HEMK2: variants seen among roughly 807,000 people sequenced by gnomAD.
HEMK2 encodes the protein HemK methyltransferase 2, ETF1 glutamine and histone H4 lysine.
At chr21:28,604,088 T>G in the HEMK2 span, among the ~76,000 whole-genome samples, 84 of 152,348 alleles carry the variant, frequency 5.5e-4, no homozygotes, top group African/African-American at 1.9e-3. Context: ...ATCTCTACTT[T>G]CTGATGAGAA....
At chr21:28,698,807 G>C in the HEMK2 span, among the ~76,000 whole-genome samples, 6 of 152,108 alleles carry the variant, frequency 3.9e-5, no homozygotes, top group Admixed American at 6.5e-5. Flanking sequence ...CATTTTCACT[G>C]ATTAGATATT....
chr21:28,789,415 G>C, the HEMK2 span, among the ~76,000 whole-genome samples: 1 of 152,164 alleles, frequency 6.6e-6, no homozygotes, highest in African/African-American at 2.4e-5. Flanking sequence ...AGGGGAAGAA[G>C]ACAAGATGCT....
the HEMK2 span, among the ~76,000 whole-genome samples, chr21:28,651,501 A>T: frequency 2.0e-5 from 3 of 152,236 alleles, no homozygotes; most frequent in African/African-American, 7.2e-5. Flanking sequence ...TCACTTCTAA[A>T]CATTGTCACT....
At chr21:28,727,035 T>C in the HEMK2 span, among the ~76,000 whole-genome samples, 2 of 152,098 alleles carry the variant, frequency 1.3e-5, no homozygotes, top group South Asian at 4.1e-4. Flanking sequence ...CTTGGGTTTT[T>C]CCACCATAGC....
At chr21:28,650,394 C>CA in the HEMK2 span, among the ~76,000 whole-genome samples, 8,826 of 141,372 alleles carry the variant, frequency 0.062, 359 homozygotes, top group Middle Eastern at 0.1. Context: ...GACTCCATCT[C>CA]AAAAAAAAAA....
At chr21:28,586,759 C>G in the HEMK2 span, among the ~76,000 whole-genome samples, 3 of 152,274 alleles carry the variant, frequency 2.0e-5, no homozygotes, top group South Asian at 6.2e-4. Context: ...AAGACACAGA[C>G]TCTGGTAGAG....
the HEMK2 span, among the ~76,000 whole-genome samples, chr21:28,766,054 A>T: frequency 6.6e-6 from 1 of 152,136 alleles, no homozygotes; most frequent in Non-Finnish European, 1.5e-5. Flanking sequence ...TATCACAAGG[A>T]CAGAAAAACA....
chr21:28,651,016 A>C, the HEMK2 span, among the ~76,000 whole-genome samples: 1 of 152,184 alleles, frequency 6.6e-6, no homozygotes, highest in Non-Finnish European at 1.5e-5. Flanking sequence ...TGTCAAAAAT[A>C]TTGTCAAGAG....
the HEMK2 span, among the ~76,000 whole-genome samples, chr21:28,627,425 C>G: frequency 6.6e-6 from 1 of 152,132 alleles, no homozygotes; most frequent in Non-Finnish European, 1.5e-5. Flanking sequence ...TTGACAGTAA[C>G]AGTTCTTGTC....
the HEMK2 span, chr21:28,875,847 C>T: frequency 1.3e-5 from 2 of 152,222 alleles, no homozygotes; most frequent in Admixed American, 1.3e-4. Context: ...ATTTCCTACC[C>T]TCTGATGCAA....
At chr21:28,669,927 T>A in the HEMK2 span, among the ~76,000 whole-genome samples, 2 of 152,262 alleles carry the variant, frequency 1.3e-5, no homozygotes, top group South Asian at 4.2e-4. Flanking sequence ...CAAAATAATT[T>A]TCCTAATTTT....
the HEMK2 span, among the ~76,000 whole-genome samples, chr21:28,849,244 T>G: frequency 1.3e-5 from 2 of 151,872 alleles, no homozygotes; most frequent in African/African-American, 4.8e-5. Flanking sequence ...CGAGCTGAGG[T>G]TTGGCTCCCT....
the HEMK2 span, among the ~76,000 whole-genome samples, chr21:28,614,905 A>G: frequency 6.6e-6 from 1 of 152,168 alleles, no homozygotes; most frequent in African/African-American, 2.4e-5. Context: ...TCTTGTAAGC[A>G]TTGCTTTTTC....
the HEMK2 span, among the ~76,000 whole-genome samples, chr21:28,676,132 G>A: frequency 4.6e-5 from 7 of 152,182 alleles, no homozygotes; most frequent in Admixed American, 4.6e-4. Flanking sequence ...GGTTTTTAGG[G>A]CTGCCATAAC....
chr21:28,726,869 T>TTAAAAAAAA, the HEMK2 span, among the ~76,000 whole-genome samples: 4 of 130,298 alleles, frequency 3.1e-5, no homozygotes, highest in African/African-American at 1.2e-4. Flanking sequence ...GGACCCTATC[T>TTAAAAAAAA]AAAAAAAAAA....
At chr21:28,660,606 TA>T in the HEMK2 span, among the ~76,000 whole-genome samples, 2 of 151,890 alleles carry the variant, frequency 1.3e-5, no homozygotes, top group Non-Finnish European at 2.9e-5. Context: ...TCCTAGAACA[TA>T]AAAAAACTTA....
At chr21:28,836,078 G>A in the HEMK2 span, among the ~76,000 whole-genome samples, 1 of 152,152 alleles carries the variant, frequency 6.6e-6, no homozygotes, top group Admixed American at 6.5e-5. Flanking sequence ...GAATAATTGA[G>A]GAAAACTTCC....
chr21:28,642,461 C>G, the HEMK2 span, among the ~76,000 whole-genome samples: 1 of 152,206 alleles, frequency 6.6e-6, no homozygotes, highest in Non-Finnish European at 1.5e-5. Flanking sequence ...GCAGGCCCAG[C>G]AGCAGTGTCC....
At chr21:28,638,551 C>T in the HEMK2 span, among the ~76,000 whole-genome samples, 1 of 152,074 alleles carries the variant, frequency 6.6e-6, no homozygotes, top group South Asian at 2.1e-4. Flanking sequence ...TTTTTAGTGG[C>T]GTATGAGTTG....
Sources: gnomAD v4.1 joint callset for allele counts (sites outside exome capture counted in the v4.1 genomes callset) on GRCh38, gnomAD v4.1.1 for gene constraint, MANE v1.5 for transcripts, NCBI Gene and HGNC (gene_info 2026-07-23, HGNC 2026-07-21) for gene names.